TMCC1: variants seen among roughly 807,000 people sequenced by gnomAD.
The protein encoded by TMCC1 is transmembrane and coiled-coil domain family 1, also known as transmembrane and coiled-coil domains protein 1.
Under a neutral mutation model 52.4 loss-of-function variants are expected in TMCC1, and 15 were observed. The observed-to-expected ratio is 0.29, with a 90% CI of 0.19 to 0.44. TMCC1 has a LOEUF of 0.44. Ranked by LOEUF, TMCC1 falls within the 20% of genes least tolerant of loss-of-function variation. TMCC1 has a pLI of 1.00. For missense variants in TMCC1, 503 were observed against 806.0 expected (o/e 0.62, Z 4.55); for synonymous variants, 279 against 301.9 (o/e 0.92, Z 0.79).
intron 4 of TMCC1, among the ~76,000 whole-genome samples, chr3:129,671,655 A>AT (rs2087953335): frequency 6.6e-6 from 1 of 152,252 alleles, no homozygotes; most frequent in South Asian, 2.1e-4. Flanking sequence ...CAATATAATT[A>AT]TATGAAAACC....
chr3:129,751,711 C>A (rs2052542836), intron 4 of TMCC1, among the ~76,000 whole-genome samples: 1 of 152,046 alleles, frequency 6.6e-6, no homozygotes, highest in African/African-American at 2.4e-5. Context: ...CAGGTGCATG[C>A]CACTACGCCC....
intron 4 of TMCC1, among the ~76,000 whole-genome samples, chr3:129,748,414 A>G (rs1342943258): frequency 6.6e-6 from 1 of 152,072 alleles, no homozygotes; most frequent in African/African-American, 2.4e-5. Context: ...CAGCCTCCCA[A>G]GTAGCGGGGA....
chr3:129,850,114 T>C (rs1176216179), intron 2 of TMCC1, among the ~76,000 whole-genome samples: 1 of 152,160 alleles, frequency 6.6e-6, no homozygotes, highest in Non-Finnish European at 1.5e-5. Flanking sequence ...TGTGGAAGGA[T>C]ACTACCACCT....
At chr3:129,687,982 G>A (rs563142312) in intron 4 of TMCC1, among the ~76,000 whole-genome samples, 2 of 152,330 alleles carry the variant, frequency 1.3e-5, no homozygotes, top group South Asian at 2.1e-4. Flanking sequence ...AGAGACACAT[G>A]AGAAAACTTG....
intron 4 of TMCC1, chr3:129,819,010 A>G (rs191793095): frequency 6.3e-4 from 96 of 153,162 alleles, no homozygotes; most frequent in Admixed American, 1.9e-3. Flanking sequence ...CTCCAGGCCA[A>G]ACAGTTCACT....
chr3:129,868,718 G>A (rs976768276), intron 2 of TMCC1, among the ~76,000 whole-genome samples: 3 of 152,206 alleles, frequency 2.0e-5, no homozygotes, highest in African/African-American at 7.2e-5. Context: ...AGGATTACAG[G>A]CGTGAGCCAC....
chr3:129,672,284 T>A (rs9837546), intron 4 of TMCC1, among the ~76,000 whole-genome samples: 1 of 151,884 alleles, frequency 6.6e-6, no homozygotes, highest in East Asian at 1.9e-4. Flanking sequence ...TTTGAATAGG[T>A]CCCAAAGAAG....
At chr3:129,754,618 T>TA (rs1355731561) in intron 4 of TMCC1, among the ~76,000 whole-genome samples, 2 of 152,214 alleles carry the variant, frequency 1.3e-5, no homozygotes, top group African/African-American at 4.8e-5. Context: ...GGAGAAAAGA[T>TA]AGTCTTTTAA....
intron 2 of TMCC1, among the ~76,000 whole-genome samples, chr3:129,846,243 G>A (rs1202633379): frequency 3.3e-5 from 5 of 151,748 alleles, no homozygotes; most frequent in Non-Finnish European, 7.4e-5. Context: ...CACTTTAGCT[G>A]GGCATAGTGG....
At chr3:129,753,096 G>A (rs2052680881) in intron 4 of TMCC1, among the ~76,000 whole-genome samples, 1 of 152,182 alleles carries the variant, frequency 6.6e-6, no homozygotes, top group Non-Finnish European at 1.5e-5. Flanking sequence ...CTGGGAATGT[G>A]ACATGAGATT....
At chr3:129,751,204 A>T (rs1443221820) in intron 4 of TMCC1, among the ~76,000 whole-genome samples, 2 of 151,560 alleles carry the variant, frequency 1.3e-5, no homozygotes, top group East Asian at 3.9e-4. Flanking sequence ...TGTCTCAAAA[A>T]ACAAAACAAA....
intron 4 of TMCC1, among the ~76,000 whole-genome samples, chr3:129,693,598 C>T (rs2047183680): frequency 6.6e-6 from 1 of 150,758 alleles, no homozygotes; most frequent in East Asian, 1.9e-4. Flanking sequence ...GATCCTCCCA[C>T]CTCAGTCTCC....
At chr3:129,771,963 C>T (rs945079465) in intron 4 of TMCC1, among the ~76,000 whole-genome samples, 5 of 152,044 alleles carry the variant, frequency 3.3e-5, no homozygotes, top group Non-Finnish European at 7.4e-5. Flanking sequence ...CAAGAAAGTA[C>T]AGATATACAA....
rs556227967 is a variant in TMCC1, at chr3:129,870,603, G to A, written c.-184+9706C>T. Among the ~76,000 whole-genome samples, 6 of 150,564 alleles carry A rather than the reference G, an allele frequency of 4.0e-5. No homozygotes were observed. The East Asian group carries it at 1.2e-3, about 30-fold the overall frequency. On this transcript the variant is annotated intron_variant, in intron 2 of 6. Coordinates refer to ENST00000393238, the MANE Select transcript of TMCC1 (RefSeq NM_001017395.5). ...AAATACAAAAAATTAGCCAGGCGTG[G>A]TGGCTGGCGCCTGTAGTCCCAGCTA...
At position 129,649,422 on chromosome 3, in the gene TMCC1, AT is replaced by A. The variant is rs201303349; in HGVS notation, c.*2058del. ...TTGGCATGAACATGAATTGGTTCTA[AT>A]TTTTTTTTTTTTAAAGAAAAAAAGC... On this transcript the variant is annotated 3_prime_UTR_variant, in exon 7 of 7. Transcript: ENST00000393238. 110 of 147,296 alleles carry A rather than the reference AT, an allele frequency of 7.5e-4. No individual in the cohort carries two copies. Among genetic ancestry groups the A allele is most frequent in the East Asian group, 2.2e-3 (11 of 5,068 alleles). The allele number at this position is 147,296 out of a possible 1,614,324, so 9.1% of individuals were successfully genotyped here. A position where few individuals can be genotyped will look rare whatever the true frequency, so the allele number is the denominator to read the frequency against.
chr3:129,652,263 A>C (rs912089360), intron 6 of TMCC1, among the ~76,000 whole-genome samples: 2 of 152,212 alleles, frequency 1.3e-5, no homozygotes, highest in African/African-American at 4.8e-5. Context: ...GTGTCAAGGA[A>C]AATATACGGA....
chr3:129,691,085 G>A (rs2046999646), intron 4 of TMCC1, among the ~76,000 whole-genome samples: 2 of 152,192 alleles, frequency 1.3e-5, no homozygotes, highest in Admixed American at 1.3e-4. Flanking sequence ...TGGTCAGTAA[G>A]TTACTCCTCA....
chr3:129,826,584 T>C (rs1425416443), intron 4 of TMCC1, among the ~76,000 whole-genome samples: 1 of 152,132 alleles, frequency 6.6e-6, no homozygotes, highest in Non-Finnish European at 1.5e-5. Flanking sequence ...TTAATTCACA[T>C]CATTATTTTG....
chr3:129,670,384 T>C lies in TMCC1; in HGVS notation c.1457A>G (p.His486Arg), dbSNP rs1442105453. 6.2e-7 allele frequency: 1 copy of C among 1,614,228 alleles called. No homozygotes were observed. The highest frequency in any genetic ancestry group is 1.1e-5 in the South Asian group (1 of 91,088). Residue 486 changes from histidine (H) to arginine (R), a missense_variant, in exon 5 of 7, where the codon CAT becomes CGT. Physicochemically the swap from His to Arg is conservative, Grantham distance 29 (BLOSUM62 0). Around this residue, in one of 7 missense-constraint regions of TMCC1, gnomAD observed 121 missense variants for 193.6 expected, o/e 0.62. Transcript: ENST00000393238. ...TATTAAGGAATAGTCCCTCTGATAATGTTCCTTGAGAGTCTCAAAGGATTC... is the reference window on the plus strand; with the variant it reads ...TATTAAGGAATAGTCCCTCTGATAACGTTCCTTGAGAGTCTCAAAGGATTC... ...LEESFETLKE[H>R]YQRDYSLIMQ...
Sources: gnomAD v4.1 joint callset for allele counts (sites outside exome capture counted in the v4.1 genomes callset) on GRCh38, gnomAD v4.1.1 for gene constraint, gnomAD v4.1.1 regional missense constraint, MANE v1.5 for transcripts, NCBI Gene and HGNC (gene_info 2026-07-23, HGNC 2026-07-21) for gene names.